Variants in EDF1 observed in about 807,000 individuals in gnomAD.
The protein encoded by EDF1 is endothelial differentiation related factor 1.
In EDF1, 5 loss-of-function variants were observed where a neutral mutation model predicts 20.8. The observed-to-expected ratio is 0.24, with a 90% CI of 0.13 to 0.51. EDF1 has a LOEUF of 0.51. EDF1 is among the 20% of genes least tolerant of loss of function. The pLI is 0.97. For synonymous variants in EDF1, 96 were observed against 78.5 expected (o/e 1.22, Z -1.18); for missense variants, 137 against 197.8 (o/e 0.69, Z 1.84).
In EDF1 at chr9:136,863,921, C is replaced by T; in HGVS notation, c.79-50G>A. 4 of 1,596,508 alleles carry T rather than the reference C, an allele frequency of 2.5e-6. No homozygotes were observed. Among genetic ancestry groups the T allele is most frequent in the Admixed American group, 3.3e-5 (2 of 59,946 alleles). The stretch of plus-strand genomic sequence containing the variant: ...GATCAAAATTAGCTTTGACAGTATC[C>T]AGCACACACCAATTCAGGCCTGCTG... On this transcript the variant is annotated intron_variant, in intron 1 of 4. Coordinates refer to ENST00000224073, the MANE Select transcript of EDF1 (RefSeq NM_003792.4). The surrounding 1 kb of genome is among the most constrained non-coding windows in gnomAD (Gnocchi z 4.5).
chr9:136,864,663 G>A (rs1392126733), intron 1 of EDF1, among the ~76,000 whole-genome samples: 2 of 151,494 alleles, frequency 1.3e-5, no homozygotes, highest in Non-Finnish European at 2.9e-5. Flanking sequence ...TCACTCTGTT[G>A]CCCAGGCTGG....
Position 136,863,268 on chromosome 9 carries a change from G to C in EDF1, c.291+20C>G. 5.0e-6 allele frequency: 8 copies of C among 1,605,562 alleles called. No homozygotes were observed. Among genetic ancestry groups the C allele is most frequent in the Non-Finnish European group, 5.9e-6 (7 of 1,176,590 alleles). The stretch of plus-strand genomic sequence containing the variant: ...CCCAAACCCACAACCCCAGGAGTGA[G>C]AGCCCCGGCGCAGCCTCACCGTGGC... On this transcript the variant is annotated intron_variant, in intron 3 of 4. Coordinates refer to ENST00000224073, the MANE Select transcript of EDF1 (RefSeq NM_003792.4). The surrounding 1 kb of genome is among the most constrained non-coding windows in gnomAD (Gnocchi z 4.5).
chr9:136,865,657 C>A (rs1564393718), intron 1 of EDF1, among the ~76,000 whole-genome samples: 1 of 151,510 alleles, frequency 6.6e-6, no homozygotes, highest in Non-Finnish European at 1.5e-5. Flanking sequence ...CCACTCTACC[C>A]TGTTCTTCCA....
At chr9:136,864,149 A>G (rs1849168267) in intron 1 of EDF1, among the ~76,000 whole-genome samples, 1 of 152,172 alleles carries the variant, frequency 6.6e-6, no homozygotes, top group African/African-American at 2.4e-5. Flanking sequence ...TCTACAAACA[A>G]TAAAACACAA....
Position 136,863,943 on chromosome 9 carries a change from G to T in EDF1, c.79-72C>A. ...ATCCAGCACACACCAATTCAGGCCT[G>T]CTGTTAGCCAGTTAGCACACTGCTA... On this transcript the variant is annotated intron_variant, in intron 1 of 4. Transcript: ENST00000224073. This position sits in a 1 kb window ranked among gnomAD's most constrained non-coding sequence, Gnocchi z 4.5. 6.5e-7 allele frequency: 1 copy of T among 1,535,214 alleles called. No homozygotes were observed. Among genetic ancestry groups the T allele is most frequent in the South Asian group, 1.1e-5 (1 of 89,054 alleles).
Position 136,863,191 on chromosome 9 carries a change from G to C in EDF1, c.291+97C>G, listed in dbSNP as rs1006290390. 150 of 1,542,002 alleles carry C rather than the reference G, an allele frequency of 9.7e-5. No individual in the cohort carries two copies. Among genetic ancestry groups the C allele is most frequent in the Non-Finnish European group, 1.2e-4 (134 of 1,141,760 alleles). ...CGAGGCATTCCCTGCAGGGGAACCA[G>C]GGGGGTGGAGCCCACCCTCCCCGTG... is the stretch of plus-strand genomic sequence containing the variant. On this transcript the variant is annotated intron_variant, in intron 3 of 4. Coordinates refer to ENST00000224073, the MANE Select transcript of EDF1 (RefSeq NM_003792.4). This position sits in a 1 kb window ranked among gnomAD's most constrained non-coding sequence, Gnocchi z 4.5.
In EDF1 at chr9:136,862,203, C is replaced by G. The variant is rs780940314; in HGVS notation, c.*81G>C. 1.9e-6 allele frequency: 3 copies of G among 1,580,206 alleles called. No homozygotes were observed. Among genetic ancestry groups the G allele is most frequent in the South Asian group, 1.1e-5 (1 of 90,354 alleles). ...GCTGGACCCCTTGTTCCGTTCGGCC[C>G]GTGAGGAGAACGGAACTGGCGGCCA... On this transcript the variant is annotated 3_prime_UTR_variant, in exon 5 of 5. Coordinates refer to ENST00000224073, the MANE Select transcript of EDF1 (RefSeq NM_003792.4). This position sits in a 1 kb window ranked among gnomAD's most constrained non-coding sequence, Gnocchi z 4.1.
rs1849114248 is a variant in EDF1 at position 136,862,266 on chromosome 9, G to C, written c.*18C>G. 1 of 1,613,876 alleles carries C rather than the reference G, an allele frequency of 6.2e-7. No homozygotes were observed. Among genetic ancestry groups the C allele is most frequent in the African/African-American group, 1.3e-5 (1 of 74,910 alleles). ...GGAACGAGATCAGCTGGAGCGCACT[G>C]ATTTCGAGGCTTTGTGTTCATTTCG... On this transcript the variant is annotated 3_prime_UTR_variant, in exon 5 of 5. Transcript: ENST00000224073. The surrounding 1 kb of genome is among the most constrained non-coding windows in gnomAD (Gnocchi z 4.1).
At position 136,863,305 on chromosome 9, in the gene EDF1, G is replaced by T; in HGVS notation, c.274C>A (p.Gln92Lys). 6.2e-7 allele frequency: 1 copy of T among 1,613,422 alleles called. No individual in the cohort carries two copies. The stretch of plus-strand genomic sequence containing the variant: ...AGCCTCACCGTGGCCAGGTCCTTCT[G>T]CGTAAGCCCCTTGCTCTGCCGACCT... ...QQGRQSKGLTQKDLATKINEK... is the reference protein window; with the variant it reads ...QQGRQSKGLTKKDLATKINEK... Residue 92 changes from glutamine to lysine, a missense_variant, in exon 3 of 5, where the codon CAG (glutamine) becomes AAG (lysine). Coordinates refer to ENST00000224073, the MANE Select transcript of EDF1 (RefSeq NM_003792.4). This position sits in a 1 kb window ranked among gnomAD's most constrained non-coding sequence, Gnocchi z 4.5.
chr9:136,863,146 G>A lies in EDF1; in HGVS notation c.291+142C>T. 3 of 1,512,752 alleles carry A rather than the reference G, an allele frequency of 2.0e-6. No homozygotes were observed. Among genetic ancestry groups the A allele is most frequent in the Non-Finnish European group, 2.7e-6 (3 of 1,113,700 alleles). 93.7% of individuals were successfully genotyped at this position (1,512,752 alleles called of 1,614,324 possible). ...GGGTTTTGTGCGAGAGGCAGTGAGA[G>A]CCGGGCTGACCTGGCTTCCCGAGGC... On this transcript the variant is annotated intron_variant, in intron 3 of 4. Transcript: ENST00000224073. This position sits in a 1 kb window ranked among gnomAD's most constrained non-coding sequence, Gnocchi z 4.5.
Position 136,863,807 on chromosome 9 carries a change from C to G in EDF1, c.130+13G>C, listed in dbSNP as rs1849160320. The G allele has an allele frequency of 1.2e-6, 2 of 1,613,926 alleles. No individual in the cohort carries two copies. Among genetic ancestry groups the G allele is most frequent in the African/African-American group, 2.7e-5 (2 of 75,054 alleles). Reference sequence around the variant, plus strand: ...CACAGCCTCATGTTGCAAGCGGAAACACAAGTACCTACATTTCTTGGAAGT... The same window carrying G: ...CACAGCCTCATGTTGCAAGCGGAAAGACAAGTACCTACATTTCTTGGAAGT... On this transcript the variant is annotated intron_variant, in intron 2 of 4. Transcript: ENST00000224073. This position sits in a 1 kb window ranked among gnomAD's most constrained non-coding sequence, Gnocchi z 4.5.
rs1406723944 is a variant in EDF1, at chr9:136,862,713, G to C, written c.385+193C>G. The C allele has an allele frequency of 6.6e-7, 1 of 1,523,492 alleles. No individual in the cohort carries two copies. Among genetic ancestry groups the C allele is most frequent in the South Asian group, 1.3e-5 (1 of 78,270 alleles). 94.4% of individuals were successfully genotyped at this position (1,523,492 alleles called of 1,614,324 possible). On this transcript the variant is annotated intron_variant, in intron 4 of 4. Coordinates refer to ENST00000224073, the MANE Select transcript of EDF1 (RefSeq NM_003792.4). This position sits in a 1 kb window ranked among gnomAD's most constrained non-coding sequence, Gnocchi z 4.1. ...GGACTCGGACTCCACTTGCTCTTAG[G>C]GGTTTCCTGAGGCCTGCAGAGACCC...
Position 136,863,324 on chromosome 9 carries a change from C to T in EDF1, c.255G>A (p.Arg85=). The T allele has an allele frequency of 6.2e-7, 1 of 1,613,904 alleles. No individual in the cohort carries two copies. The highest frequency in any genetic ancestry group is 8.5e-7 in the Non-Finnish European group (1 of 1,180,006). ...LEVGKVIQQG[R]QSKGLTQKDL... ...CCTTCTGCGTAAGCCCCTTGCTCTG[C>T]CGACCTTGCTGGATCACCTTGCCCA... The change falls in exon 3 of 5, where the codon CGG becomes CGA. Residue 85 remains arginine, a synonymous_variant. Coordinates refer to ENST00000224073, the MANE Select transcript of EDF1 (RefSeq NM_003792.4). This position sits in a 1 kb window ranked among gnomAD's most constrained non-coding sequence, Gnocchi z 4.5.
In EDF1 at chr9:136,862,881, C is replaced by G; in HGVS notation, c.385+25G>C. On this transcript the variant is annotated intron_variant, in intron 4 of 4. Transcript: ENST00000224073. The surrounding 1 kb of genome is among the most constrained non-coding windows in gnomAD (Gnocchi z 4.1). ...GGGTAGCCTCCCTGTTCAGCGGACC[C>G]GGCGAAGGGTGGAGGGACACTCACC... The G allele has an allele frequency of 1.2e-6, 2 of 1,612,722 alleles. No homozygotes were observed. Among genetic ancestry groups the G allele is most frequent in the Non-Finnish European group, 1.7e-6 (2 of 1,179,998 alleles).
At position 136,863,192 on chromosome 9, in the gene EDF1, G is replaced by A; in HGVS notation, c.291+96C>T. The stretch of plus-strand genomic sequence containing the variant: ...GAGGCATTCCCTGCAGGGGAACCAG[G>A]GGGGTGGAGCCCACCCTCCCCGTGC... On this transcript the variant is annotated intron_variant, in intron 3 of 4. Coordinates refer to ENST00000224073, the MANE Select transcript of EDF1 (RefSeq NM_003792.4). This position sits in a 1 kb window ranked among gnomAD's most constrained non-coding sequence, Gnocchi z 4.5. 1.0e-5 allele frequency: 16 copies of A among 1,548,770 alleles called. No homozygotes were observed. The highest frequency in any genetic ancestry group is 7.2e-5 in the South Asian group (6 of 83,902).
At position 136,862,861 on chromosome 9, in the gene EDF1, G is replaced by GCCTC. The variant is rs768943695; in HGVS notation, c.385+41_385+44dup. The stretch of plus-strand genomic sequence containing the variant: ...CACCAACCCCAGCTGGGAGCGGGTA[G>GCCTC]CCTCCCTGTTCAGCGGACCCGGCGA... On this transcript the variant is annotated intron_variant, in intron 4 of 4. Coordinates refer to ENST00000224073, the MANE Select transcript of EDF1 (RefSeq NM_003792.4). This position sits in a 1 kb window ranked among gnomAD's most constrained non-coding sequence, Gnocchi z 4.1. The GCCTC allele has an allele frequency of 1.9e-5, 30 of 1,612,072 alleles. No individual in the cohort carries two copies. The highest frequency in any genetic ancestry group is 2.4e-5 in the Non-Finnish European group (28 of 1,179,972).
At position 136,863,752 on chromosome 9, in the gene EDF1, A is replaced by G. The variant is rs1849158504; in HGVS notation, c.130+68T>C. On this transcript the variant is annotated intron_variant, in intron 2 of 4. Transcript: ENST00000224073. The surrounding 1 kb of genome is among the most constrained non-coding windows in gnomAD (Gnocchi z 4.5). ...CAACGTCCCCGGGGGCGCCGCACACACCACACCCACCAGCACATGGACCCC... is the reference window on the plus strand; with the variant it reads ...CAACGTCCCCGGGGGCGCCGCACACGCCACACCCACCAGCACATGGACCCC... 1.9e-6 allele frequency: 3 copies of G among 1,587,360 alleles called. No homozygotes were observed. In the East Asian group the frequency reaches 6.7e-5, roughly 35 times the overall value.
chr9:136,863,931 C>A lies in EDF1; in HGVS notation c.79-60G>T, dbSNP rs1027788238. 1.9e-6 allele frequency: 3 copies of A among 1,571,292 alleles called. No homozygotes were observed. Among genetic ancestry groups the A allele is most frequent in the African/African-American group, 2.7e-5 (2 of 74,100 alleles). On this transcript the variant is annotated intron_variant, in intron 1 of 4. Transcript: ENST00000224073. The surrounding 1 kb of genome is among the most constrained non-coding windows in gnomAD (Gnocchi z 4.5). ...AGCTTTGACAGTATCCAGCACACAC[C>A]AATTCAGGCCTGCTGTTAGCCAGTT... is the stretch of plus-strand genomic sequence containing the variant.
intron 1 of EDF1, among the ~76,000 whole-genome samples, chr9:136,864,157 C>A (rs893572147): frequency 2.0e-5 from 3 of 152,100 alleles, no homozygotes; most frequent in Non-Finnish European, 2.9e-5. Context: ...CAATAAAACA[C>A]AACAAAACCC....
Sources: allele counts gnomAD v4.1 joint callset (sites outside exome capture counted in the v4.1 genomes callset), GRCh38; gene constraint gnomAD v4.1.1; non-coding constraint Gnocchi (gnomAD v3.1); transcripts MANE v1.5; gene names NCBI Gene and HGNC (gene_info 2026-07-23, HGNC 2026-07-21).